SGMS1: variants seen among roughly 807,000 people sequenced by gnomAD.
The protein encoded by SGMS1 is phosphatidylcholine:ceramide cholinephosphotransferase 1.
SGMS1 carries 13 observed loss-of-function variants against 46.2 expected under a neutral mutation model. The ratio of observed to expected loss-of-function variants is 0.28; its 90% confidence interval spans 0.18 to 0.45. SGMS1 has a LOEUF of 0.45. Among genes scored for constraint, SGMS1 ranks in the 20% least tolerant of loss-of-function variants. The pLI is 1.00. For missense variants in SGMS1, 324 were observed against 519.9 expected (o/e 0.62, Z 3.66); for synonymous variants, 203 against 187.8 (o/e 1.08, Z -0.66).
chr10:50,353,150 G>C (rs997956622), intron 6 of SGMS1, among the ~76,000 whole-genome samples: 1 of 152,242 alleles, frequency 6.6e-6, no homozygotes, highest in Non-Finnish European at 1.5e-5. Flanking sequence ...GAGAATTTTA[G>C]ACCAATGTCC....
At chr10:50,563,572 T>G (rs1025285418) in intron 2 of SGMS1, among the ~76,000 whole-genome samples, 4 of 149,784 alleles carry the variant, frequency 2.7e-5, no homozygotes, top group Non-Finnish European at 4.4e-5. Flanking sequence ...TGAAACCCCG[T>G]CTCTACTAAA....
At chr10:50,553,966 A>G (rs1315490044) in intron 2 of SGMS1, among the ~76,000 whole-genome samples, 1 of 152,228 alleles carries the variant, frequency 6.6e-6, no homozygotes, top group Non-Finnish European at 1.5e-5. Flanking sequence ...AGGGACACAT[A>G]GGGTCTTGGT....
intron 1 of SGMS1, among the ~76,000 whole-genome samples, chr10:50,603,507 C>G (rs1031889193): frequency 5.3e-4 from 80 of 152,266 alleles, no homozygotes; most frequent in African/African-American, 1.7e-3. Flanking sequence ...AAAGCAGTCT[C>G]TAGTAGTAAA....
intron 6 of SGMS1, among the ~76,000 whole-genome samples, chr10:50,361,161 G>T (rs571796066): frequency 1.7e-4 from 26 of 152,314 alleles, no homozygotes; most frequent in Middle Eastern, 3.4e-3. Flanking sequence ...AAAAAGTTCT[G>T]ATCCTTCTTT....
chr10:50,578,214 G>A lies in SGMS1; in HGVS notation c.-589+11939C>T, dbSNP rs140540250. Among the ~76,000 whole-genome samples the A allele has an allele frequency of 3.4e-3, 524 of 152,290 alleles. 2 individuals carry two copies. Among genetic ancestry groups the A allele is most frequent in the African/African-American group, 0.012 (495 of 41,550 alleles). ...GTCTGAGCTTGAATGCTTTGTGGAA[G>A]CATTTATGAGGGATCAAAACCACAA... On this transcript the variant is annotated intron_variant, in intron 2 of 10. Transcript: ENST00000361781.
At chr10:50,426,376 C>T (rs1330706957) in intron 6 of SGMS1, among the ~76,000 whole-genome samples, 1 of 152,090 alleles carries the variant, frequency 6.6e-6, no homozygotes, top group Non-Finnish European at 1.5e-5. Context: ...TATTTCATAC[C>T]TTTAAAAAAT....
At chr10:50,320,006 T>A (rs1847414436) in intron 8 of SGMS1, among the ~76,000 whole-genome samples, 2 of 152,230 alleles carry the variant, frequency 1.3e-5, no homozygotes, top group South Asian at 2.1e-4. Flanking sequence ...AAAATTTCTC[T>A]TATTAGTTTT....
intron 2 of SGMS1, among the ~76,000 whole-genome samples, chr10:50,563,973 G>T (rs1838265970): frequency 6.6e-6 from 1 of 152,192 alleles, no homozygotes; most frequent in Non-Finnish European, 1.5e-5. Context: ...GATCCTGCAA[G>T]CAGGCGCCGC....
At chr10:50,371,887 C>T (rs1424970217) in intron 6 of SGMS1, among the ~76,000 whole-genome samples, 1 of 152,180 alleles carries the variant, frequency 6.6e-6, no homozygotes, top group Non-Finnish European at 1.5e-5. Flanking sequence ...GGGAACCATT[C>T]CTGTGATAAT....
At chr10:50,622,501 C>T (rs1838863125) in intron 1 of SGMS1, among the ~76,000 whole-genome samples, 1 of 152,184 alleles carries the variant, frequency 6.6e-6, no homozygotes. Flanking sequence ...CATCCCCAAA[C>T]CTAAAAGCAA....
At chr10:50,614,201 C>G (rs915426677) in intron 1 of SGMS1, among the ~76,000 whole-genome samples, 1 of 151,746 alleles carries the variant, frequency 6.6e-6, no homozygotes, top group East Asian at 1.9e-4. Flanking sequence ...TGATGGCACT[C>G]CAAGCTTCTA....
intron 6 of SGMS1, among the ~76,000 whole-genome samples, chr10:50,362,355 A>AGG (rs554196443): frequency 1.4e-4 from 21 of 152,156 alleles, no homozygotes; most frequent in Non-Finnish European, 3.1e-4. Flanking sequence ...TCTAGCTGCT[A>AGG]GGGGTTGGGG....
chr10:50,382,288 T>C (rs902950643), intron 6 of SGMS1, among the ~76,000 whole-genome samples: 6 of 152,118 alleles, frequency 3.9e-5, no homozygotes, highest in East Asian at 1.9e-4. Context: ...TCCCATACAA[T>C]TGTAAAGTAT....
intron 3 of SGMS1, among the ~76,000 whole-genome samples, chr10:50,504,041 C>T (rs931040105): frequency 3.3e-5 from 5 of 152,178 alleles, no homozygotes; most frequent in South Asian, 4.1e-4. Flanking sequence ...CTACCTGCAT[C>T]GATATGAGAG....
At chr10:50,461,051 A>G (rs1320708750) in intron 4 of SGMS1, among the ~76,000 whole-genome samples, 1 of 152,186 alleles carries the variant, frequency 6.6e-6, no homozygotes, top group Non-Finnish European at 1.5e-5. Context: ...TACATATAAT[A>G]TAAAGCTTAC....
intron 8 of SGMS1, among the ~76,000 whole-genome samples, chr10:50,326,231 T>A (rs1251484365): frequency 3.3e-5 from 5 of 152,072 alleles, no homozygotes; most frequent in Non-Finnish European, 7.4e-5. Flanking sequence ...TAGGCACATA[T>A]GTAAGTTTAG....
At chr10:50,583,773 T>G (rs1838456171) in intron 2 of SGMS1, among the ~76,000 whole-genome samples, 1 of 152,224 alleles carries the variant, frequency 6.6e-6, no homozygotes, top group Admixed American at 6.5e-5. Flanking sequence ...ACCAAGGCAC[T>G]CTGTTCTATC....
chr10:50,593,663 T>C, intron 1 of SGMS1, among the ~76,000 whole-genome samples: 1 of 152,142 alleles, frequency 6.6e-6, no homozygotes, highest in East Asian at 1.9e-4. Context: ...GTGCTATCAA[T>C]ATGTTGTTGT....
intron 2 of SGMS1, among the ~76,000 whole-genome samples, chr10:50,558,186 CTG>C (rs1838204441): frequency 6.6e-6 from 1 of 152,196 alleles, no homozygotes; most frequent in Non-Finnish European, 1.5e-5. Context: ...CCTCCTGCCT[CTG>C]TGCTTCTTCA....
Sources: allele counts gnomAD v4.1 joint callset (sites outside exome capture counted in the v4.1 genomes callset), GRCh38; gene constraint gnomAD v4.1.1; transcripts MANE v1.5; gene names NCBI Gene and HGNC (gene_info 2026-07-23, HGNC 2026-07-21).